The following CNTN5 variants were observed in gnomAD, a reference collection of about 807,000 sequenced individuals.
CNTN5 encodes the protein contactin-5.
Under a neutral mutation model 129.1 loss-of-function variants are expected in CNTN5, and 77 were observed. That is an observed-to-expected ratio of 0.60 (90% CI 0.50 to 0.72). The LOEUF (loss-of-function observed/expected upper bound fraction) is 0.72, where lower values mean the gene tolerates loss of function less well. Ranked by LOEUF, CNTN5 falls within the 30% of genes least tolerant of loss-of-function variation. CNTN5 has a pLI of 0.00. For missense variants in CNTN5, 1,478 were observed against 1,328.8 expected (o/e 1.11, Z -1.75); for synonymous variants, 509 against 465.6 (o/e 1.09, Z -1.20).
At chr11:99,601,861 A>G (rs1243184234) in intron 3 of CNTN5, among the ~76,000 whole-genome samples, 4 of 152,202 alleles carry the variant, frequency 2.6e-5, no homozygotes, top group Non-Finnish European at 4.4e-5. Context: ...ACACTTCTGC[A>G]CATAAAGTTA....
chr11:99,781,853 A>G (rs1200046684), intron 3 of CNTN5, among the ~76,000 whole-genome samples: 1 of 152,160 alleles, frequency 6.6e-6, no homozygotes, highest in South Asian at 2.1e-4. Context: ...ATCTATGACA[A>G]ACGCACAGCC....
intron 21 of CNTN5, chr11:100,336,924 C>T (rs1008591810): frequency 7.9e-6 from 5 of 636,550 alleles, no homozygotes; most frequent in Non-Finnish European, 1.4e-5. Context: ...CATGCAGTCC[C>T]CGGTAGGCTT....
At chr11:99,898,777 A>G (rs1949275816) in intron 6 of CNTN5, among the ~76,000 whole-genome samples, 1 of 151,816 alleles carries the variant, frequency 6.6e-6, no homozygotes, top group Non-Finnish European at 1.5e-5. Context: ...TGATTCTCTG[A>G]GTTTAGCAGA....
intron 3 of CNTN5, among the ~76,000 whole-genome samples, chr11:99,742,330 A>G (rs1258563905): frequency 1.3e-5 from 2 of 149,954 alleles, no homozygotes; most frequent in African/African-American, 4.9e-5. Context: ...TGTAAATTCT[A>G]GAGTATATTC....
At chr11:99,659,967 A>G (rs1952535767) in intron 3 of CNTN5, among the ~76,000 whole-genome samples, 2 of 152,144 alleles carry the variant, frequency 1.3e-5, no homozygotes, top group African/African-American at 4.8e-5. Flanking sequence ...ACCTTTTAGA[A>G]AGGTGCAAAG....
intron 1 of CNTN5, among the ~76,000 whole-genome samples, chr11:99,029,783 T>A (rs375452108): frequency 6.6e-6 from 1 of 152,302 alleles, no homozygotes; most frequent in East Asian, 1.9e-4. Flanking sequence ...TTAGATGATA[T>A]TTGAGTTTCT....
intron 2 of CNTN5, among the ~76,000 whole-genome samples, chr11:99,339,077 G>A (rs1366607679): frequency 6.7e-6 from 1 of 150,272 alleles, no homozygotes; most frequent in Non-Finnish European, 1.5e-5. Flanking sequence ...CTGAGGGGAT[G>A]GATACCCCAT....
intron 2 of CNTN5, among the ~76,000 whole-genome samples, chr11:99,531,221 AG>A (rs537698929): frequency 2.6e-4 from 40 of 152,306 alleles, no homozygotes; most frequent in African/African-American, 9.1e-4. Context: ...GTTTTGTTTT[AG>A]CAGAGAGACT....
chr11:99,420,812 A>C (rs2135052390), intron 2 of CNTN5, among the ~76,000 whole-genome samples: 1 of 152,226 alleles, frequency 6.6e-6, no homozygotes, highest in South Asian at 2.1e-4. Context: ...GGTTGAAATA[A>C]AATTTTGATA....
At chr11:99,775,213 T>A (rs2135357516) in intron 3 of CNTN5, among the ~76,000 whole-genome samples, 1 of 152,254 alleles carries the variant, frequency 6.6e-6, no homozygotes, top group Non-Finnish European at 1.5e-5. Flanking sequence ...TCTGCTAGCG[T>A]AGTTTCCCAT....
intron 1 of CNTN5, among the ~76,000 whole-genome samples, chr11:99,080,531 GAGA>G (rs1475755327): frequency 1.3e-5 from 2 of 152,182 alleles, no homozygotes; most frequent in African/African-American, 4.8e-5. Flanking sequence ...ATCAGCAGAA[GAGA>G]AGGGGCAGAT....
intron 6 of CNTN5, among the ~76,000 whole-genome samples, chr11:99,900,693 T>A (rs1949334217): frequency 6.6e-6 from 1 of 152,146 alleles, no homozygotes; most frequent in Non-Finnish European, 1.5e-5. Flanking sequence ...GGTCAAATGA[T>A]TAGATCTTAT....
chr11:99,144,843 C>T (rs192864493), intron 1 of CNTN5, among the ~76,000 whole-genome samples: 18 of 151,688 alleles, frequency 1.2e-4, no homozygotes, highest in South Asian at 2.1e-4. Flanking sequence ...TGTCTGTATT[C>T]TCTTGTATCT....
intron 15 of CNTN5, among the ~76,000 whole-genome samples, chr11:100,200,202 G>C (rs957770729): frequency 6.6e-6 from 1 of 151,864 alleles, no homozygotes; most frequent in Non-Finnish European, 1.5e-5. Context: ...GGAAAGTAGT[G>C]CTGTATTGAT....
At chr11:99,493,007 A>T (rs527395267) in intron 2 of CNTN5, among the ~76,000 whole-genome samples, 1 of 152,294 alleles carries the variant, frequency 6.6e-6, no homozygotes, top group African/African-American at 2.4e-5. Flanking sequence ...AAGGTCAGAT[A>T]ATTCTTTAAT....
chr11:99,837,909 AT>A (rs1591285754), intron 4 of CNTN5, among the ~76,000 whole-genome samples: 3 of 152,176 alleles, frequency 2.0e-5, no homozygotes. Flanking sequence ...TTAATTTCTC[AT>A]TTTTCATAAT....
chr11:99,233,009 T>G (rs1861079964), intron 1 of CNTN5, among the ~76,000 whole-genome samples: 1 of 152,198 alleles, frequency 6.6e-6, no homozygotes, highest in Non-Finnish European at 1.5e-5. Context: ...GCAGAATGCT[T>G]TGTTCAGCCG....
At chr11:100,301,988 G>A (rs1323586140) in intron 20 of CNTN5, among the ~76,000 whole-genome samples, 4 of 151,584 alleles carry the variant, frequency 2.6e-5, no homozygotes, top group African/African-American at 4.8e-5. Flanking sequence ...AGTGGGCTAT[G>A]GCAATGATGG....
intron 3 of CNTN5, among the ~76,000 whole-genome samples, chr11:99,778,792 T>C (rs979782208): frequency 6.6e-6 from 1 of 151,916 alleles, no homozygotes; most frequent in Non-Finnish European, 1.5e-5. Flanking sequence ...GTTCAAAAAC[T>C]ATATCAATAA....
Sources: gnomAD v4.1 joint callset for allele counts (sites outside exome capture counted in the v4.1 genomes callset) on GRCh38, gnomAD v4.1.1 for gene constraint, MANE v1.5 for transcripts, NCBI Gene and HGNC (gene_info 2026-07-23, HGNC 2026-07-21) for gene names.